KCNMA1: variants seen among roughly 807,000 people sequenced by gnomAD.
KCNMA1 encodes the protein potassium calcium-activated channel subfamily M alpha 1, also known as Calcium-activated potassium channel subunit alpha-1.
Under a neutral mutation model 140.0 loss-of-function variants are expected in KCNMA1, and 29 were observed. The ratio of observed to expected loss-of-function variants is 0.21; its 90% confidence interval spans 0.15 to 0.28. The LOEUF (loss-of-function observed/expected upper bound fraction) is 0.28, where lower values mean the gene tolerates loss of function less well. Among genes scored for constraint, KCNMA1 ranks in the 10% least tolerant of loss-of-function variants. The pLI is 1.00. For missense variants in KCNMA1, 880 were observed against 1,602.2 expected, an observed-to-expected ratio of 0.55 and a Z score of 7.70; for synonymous variants, 612 against 611.9, an observed-to-expected ratio of 1.00 and a Z score of 0.00.
At chr10:77,192,842 G>A (rs1243709500) in intron 3 of KCNMA1, among the ~76,000 whole-genome samples, 1 of 152,108 alleles carries the variant, frequency 6.6e-6, no homozygotes, top group Non-Finnish European at 1.5e-5. Flanking sequence ...TGCCCAACAG[G>A]CTGTGCATTG....
chr10:76,896,357 TA>T (rs1193249464), intron 25 of KCNMA1, among the ~76,000 whole-genome samples: 1 of 152,208 alleles, frequency 6.6e-6, no homozygotes, highest in Non-Finnish European at 1.5e-5. Context: ...ACTTTAAGGT[TA>T]TCTCCCTTGT....
At chr10:77,371,627 C>A (rs2094722401) in intron 2 of KCNMA1, among the ~76,000 whole-genome samples, 1 of 152,150 alleles carries the variant, frequency 6.6e-6, no homozygotes, top group Non-Finnish European at 1.5e-5. Context: ...GACTCTTGCT[C>A]CACTGGTCAA....
intron 1 of KCNMA1, among the ~76,000 whole-genome samples, chr10:77,561,406 T>C (rs909675449): frequency 2.0e-5 from 3 of 152,198 alleles, no homozygotes; most frequent in African/African-American, 7.2e-5. Flanking sequence ...ATCCCCACTT[T>C]GCGGATTATG....
chr10:77,565,494 C>T (rs1276180390), intron 1 of KCNMA1, among the ~76,000 whole-genome samples: 2 of 152,196 alleles, frequency 1.3e-5, no homozygotes, highest in African/African-American at 4.8e-5. Flanking sequence ...ACACACAGCT[C>T]AGACATGATT....
intron 3 of KCNMA1, among the ~76,000 whole-genome samples, chr10:77,191,087 G>A (rs1486785531): frequency 6.6e-6 from 1 of 152,146 alleles, no homozygotes; most frequent in Non-Finnish European, 1.5e-5. Context: ...CAAGAGAGTA[G>A]GTCTAAGTGA....
rs1043264035 is a variant in KCNMA1 at position 76,969,860 on chromosome 10, C to T, written c.2360+114G>A. 7 of 791,652 alleles carry T rather than the reference C, an allele frequency of 8.8e-6. No homozygotes were observed. The East Asian group carries it at 1.2e-4, about 14-fold the overall frequency. 49.0% of individuals were successfully genotyped at this position (791,652 alleles called of 1,614,324 possible). A position where few individuals can be genotyped will look rare whatever the true frequency, so the allele number is the denominator to read the frequency against. On this transcript the variant is annotated intron_variant, in intron 20 of 27. Transcript: ENST00000286628. Reference sequence around the variant, plus strand: ...ATCTAACGATCTCGCTCCCCTCCCCCACCCCGGGCTTGCTGGGGAGGGGAG... The same window carrying T: ...ATCTAACGATCTCGCTCCCCTCCCCTACCCCGGGCTTGCTGGGGAGGGGAG...
chr10:77,604,709 G>A (rs552072867), intron 1 of KCNMA1, among the ~76,000 whole-genome samples: 53 of 151,676 alleles, frequency 3.5e-4, no homozygotes, highest in African/African-American at 1.2e-3. Context: ...AAAAAGAGTT[G>A]CCTAATTCTT....
chr10:77,391,836 T>C (rs986242707), intron 2 of KCNMA1, among the ~76,000 whole-genome samples: 1 of 151,802 alleles, frequency 6.6e-6, no homozygotes, highest in African/African-American at 2.4e-5. Flanking sequence ...TGCACTCCCC[T>C]GCAACGACAA....
At chr10:77,410,829 C>A (rs777668241) in intron 1 of KCNMA1, among the ~76,000 whole-genome samples, 11 of 152,236 alleles carry the variant, frequency 7.2e-5, no homozygotes, top group Non-Finnish European at 1.2e-4. Context: ...ACCCTCATTT[C>A]TCTCGAGCTT....
chr10:76,922,864 G>A (rs80007002), intron 23 of KCNMA1, among the ~76,000 whole-genome samples: 2,578 of 152,174 alleles, frequency 0.017, 76 homozygotes, highest in African/African-American at 0.059. Context: ...CATTCTCTTC[G>A]CGGTGAAATG....
rs1423694511 is a variant in KCNMA1, at chr10:77,408,392, GTGTGTGTGCATGTGTGAGAGTGTGTGCA to G, written c.379-4397_379-4370del. ...TCACTGAGTGCGTGTGCTCACACAT[GTGTGTGTGCATGTGTGAGAGTGTGTGCA>G]TGTGTGTGCACGTGTGAGAGTGTGT... On this transcript the variant is annotated intron_variant, in intron 1 of 27. Transcript: ENST00000286628. 2.1e-5 allele frequency among the ~76,000 whole-genome samples: 3 copies of G among 144,068 alleles called. No individual in the cohort carries two copies. In the East Asian group the frequency reaches 5.8e-4, roughly 28 times the overall value. The allele number at this position is 144,068 out of a possible 152,430, so 94.5% of individuals were successfully genotyped here. A position where few individuals can be genotyped will look rare whatever the true frequency, so the allele number is the denominator to read the frequency against.
chr10:76,938,203 A>G (rs371674331), intron 23 of KCNMA1, among the ~76,000 whole-genome samples: 3 of 152,216 alleles, frequency 2.0e-5, no homozygotes, highest in East Asian at 1.9e-4. Context: ...CTAGAAGCAA[A>G]CTTTTCCTGG....
At chr10:77,373,216 T>C (rs2094860201) in intron 2 of KCNMA1, among the ~76,000 whole-genome samples, 2 of 152,196 alleles carry the variant, frequency 1.3e-5, no homozygotes, top group Admixed American at 1.3e-4. Flanking sequence ...ATGAGCTAAA[T>C]GCATTTTTGA....
chr10:77,479,956 G>A (rs763439952), intron 1 of KCNMA1, among the ~76,000 whole-genome samples: 1 of 152,198 alleles, frequency 6.6e-6, no homozygotes, highest in Non-Finnish European at 1.5e-5. Context: ...GCCAAGCCTG[G>A]TGATGTCTTC....
In KCNMA1 at chr10:77,185,330, A is replaced by T. The variant is rs79463852; in HGVS notation, c.603-414T>A. Reference sequence around the variant, plus strand: ...TACTAAAGCTAAAACACAGTTCCTCATGCCCTCCAACGCATTGGCAGTGGG... The same window carrying T: ...TACTAAAGCTAAAACACAGTTCCTCTTGCCCTCCAACGCATTGGCAGTGGG... On this transcript the variant is annotated intron_variant, in intron 3 of 27. Coordinates refer to ENST00000286628, the MANE Select transcript of KCNMA1 (RefSeq NM_001161352.2). Among the ~76,000 whole-genome samples the T allele has an allele frequency of 2.4e-3, 360 of 152,176 alleles. 7 individuals carry two copies. In the East Asian group the frequency reaches 0.031, roughly 13 times the overall value.
intron 5 of KCNMA1, among the ~76,000 whole-genome samples, chr10:77,173,955 ACTG>A (rs1351677907): frequency 1.3e-5 from 2 of 152,120 alleles, no homozygotes; most frequent in Non-Finnish European, 2.9e-5. Flanking sequence ...TATCTCCACC[ACTG>A]CTAACCACGA....
At chr10:76,887,833 A>G in intron 27 of KCNMA1, 1 of 380,308 alleles carries the variant, frequency 2.6e-6, no homozygotes, top group Non-Finnish European at 5.0e-6. Context: ...AAGTAGCCCA[A>G]CCGCAAGAGG....
At chr10:77,250,032 G>A (rs1318293880) in intron 3 of KCNMA1, 4 of 152,166 alleles carry the variant, frequency 2.6e-5, no homozygotes, top group Non-Finnish European at 5.9e-5. Context: ...TGTTTTCCCT[G>A]ACTGACATTT....
At chr10:77,592,196 C>G (rs1260819759) in intron 1 of KCNMA1, among the ~76,000 whole-genome samples, 4 of 152,118 alleles carry the variant, frequency 2.6e-5, no homozygotes, top group Admixed American at 6.5e-5. Context: ...TAGAAAACAT[C>G]AGACACACCA....
Sources: allele counts gnomAD v4.1 joint callset (sites outside exome capture counted in the v4.1 genomes callset), GRCh38; gene constraint gnomAD v4.1.1; transcripts MANE v1.5; gene names NCBI Gene and HGNC (gene_info 2026-07-23, HGNC 2026-07-21).